The following AFDN variants were observed in gnomAD, a reference collection of about 807,000 sequenced individuals.
The protein encoded by AFDN is afadin, adherens junction formation factor.
AFDN carries 68 observed loss-of-function variants against 216.6 expected under a neutral mutation model. The ratio of observed to expected loss-of-function variants is 0.31; its 90% CI spans 0.26 to 0.38. The LOEUF (loss-of-function observed/expected upper bound fraction) is 0.38, where lower values mean the gene tolerates loss of function less well. AFDN is among the 10% of genes least tolerant of loss of function. The probability of loss-of-function intolerance (pLI) is 1.00; values close to 1 mark genes in which losing one functional copy is unlikely to be tolerated. For missense variants in AFDN, 2,136 were observed against 2,342.0 expected (o/e 0.91, Z 1.82); for synonymous variants, 868 against 853.7 (o/e 1.02, Z -0.29).
At chr6:167,917,734 T>G (rs1791272499) in intron 20 of AFDN, among the ~76,000 whole-genome samples, 1 of 152,168 alleles carries the variant, frequency 6.6e-6, no homozygotes, top group Admixed American at 6.5e-5. Flanking sequence ...GTCATGAGAA[T>G]TATGTATGTG....
rs1792297983 is a variant in AFDN, at chr6:167,924,840, GA to G, written c.3013-163del. ...GATTTAGTTTACCAGATTAATACCT[GA>G]AGAGTATCTATATTAATTGAAATTT... On this transcript the variant is annotated intron_variant, in intron 22 of 33. Transcript: ENST00000683244. 1.3e-5 allele frequency: 9 copies of G among 685,350 alleles called. No homozygotes were observed. In the East Asian group the frequency reaches 2.5e-4, roughly 19 times the overall value. The allele number at this position is 685,350 out of a possible 1,614,324, so 42.5% of individuals were successfully genotyped here. A position where few individuals can be genotyped will look rare whatever the true frequency, so the allele number is the denominator to read the frequency against.
chr6:167,842,561 A>C (rs62427660), intron 1 of AFDN, among the ~76,000 whole-genome samples: 139,517 of 151,832 alleles, frequency 0.92, 64,363 homozygotes, highest in African/African-American at 0.98. Flanking sequence ...CACAGTATAT[A>C]CTCTGCAAGA....
At chr6:167,953,561 A>G (rs919375012) in intron 30 of AFDN, among the ~76,000 whole-genome samples, 1 of 152,240 alleles carries the variant, frequency 6.6e-6, no homozygotes, top group African/African-American at 2.4e-5. Context: ...GTATTCCTCA[A>G]GTCATTAGTA....
intron 8 of AFDN, among the ~76,000 whole-genome samples, chr6:167,893,463 C>T (rs1318198769): frequency 6.6e-6 from 1 of 152,100 alleles, no homozygotes; most frequent in Non-Finnish European, 1.5e-5. Context: ...GTCATGAGCT[C>T]AGCATTGTCT....
Position 167,965,955 on chromosome 6 carries a change from A to G in AFDN, c.5167A>G (p.Lys1723Glu), listed in dbSNP as rs1340892390. The change falls in exon 32 of 34, where the codon AAA becomes GAA. Residue 1723 changes from lysine to glutamate, a missense_variant. Transcript: ENST00000683244. ...GCCTCAGCGAAACGCCTCCTACCTC[A>G]AAACACAGGTCCTCTCCCCCGACTC... ...PPPQRNASYL[K>E]TQVLSPDSLF... 5 of 1,543,432 alleles carry G rather than the reference A, an allele frequency of 3.2e-6. No individual in the cohort carries two copies. Among genetic ancestry groups the G allele is most frequent in the Non-Finnish European group, 1.7e-6 (2 of 1,144,418 alleles).
intron 21 of AFDN, among the ~76,000 whole-genome samples, chr6:167,922,480 C>G (rs988556374): frequency 6.6e-6 from 1 of 152,156 alleles, no homozygotes; most frequent in African/African-American, 2.4e-5. Context: ...CTCCTTCCCT[C>G]TTTTCTTTCC....
chr6:167,836,524 G>A (rs1314388142), intron 1 of AFDN, among the ~76,000 whole-genome samples: 1 of 151,972 alleles, frequency 6.6e-6, no homozygotes, highest in Non-Finnish European at 1.5e-5. Flanking sequence ...AAAATAATAT[G>A]TGGATATATT....
intron 12 of AFDN, among the ~76,000 whole-genome samples, chr6:167,904,543 T>C (rs1239558346): frequency 2.0e-5 from 3 of 151,838 alleles, no homozygotes; most frequent in East Asian, 3.9e-4. Flanking sequence ...ACTTGACATA[T>C]CCACTTGCAT....
chr6:167,899,113 C>T (rs1428472999), intron 11 of AFDN, among the ~76,000 whole-genome samples: 1 of 152,142 alleles, frequency 6.6e-6, no homozygotes, highest in Non-Finnish European at 1.5e-5. Context: ...CATGAACCCG[C>T]GTGGTCTTCC....
chr6:167,888,119 T>C (rs1236942494), intron 6 of AFDN, among the ~76,000 whole-genome samples: 1 of 152,184 alleles, frequency 6.6e-6, no homozygotes, highest in Non-Finnish European at 1.5e-5. Context: ...AGATTGAGAC[T>C]AAAGAGATGA....
chr6:167,897,137 A>G (rs1425785185), intron 10 of AFDN, among the ~76,000 whole-genome samples, 165 bp downstream of exon 10: 1 of 152,196 alleles, frequency 6.6e-6, no homozygotes, highest in Non-Finnish European at 1.5e-5. Flanking sequence ...TTTAGTGTGG[A>G]AACAGCAGAA....
At position 167,965,881 on chromosome 6, in the gene AFDN, A is replaced by C; in HGVS notation, c.5093A>C (p.Asp1698Ala). The C allele has an allele frequency of 6.5e-7, 1 of 1,548,924 alleles. No homozygotes were observed. The highest frequency in any genetic ancestry group is 8.7e-7 in the Non-Finnish European group (1 of 1,146,436). Residue 1698 changes from aspartate to alanine, a missense_variant, in exon 32 of 34, where the codon GAC becomes GCC. Asp to Ala is a moderately radical substitution (Grantham distance 126). Around this residue, in one of 8 missense-constraint regions of AFDN, gnomAD observed 981 missense variants for 966.0 expected, o/e 1.02. Transcript: ENST00000683244. ...CTGTGCCGCCCTCCGCTTCCCCGGG[A>C]CTACGAGCCCCCGTCCCCGTCCCCC... ...PGLCRPPLPR[D>A]YEPPSPSPAP...
intron 15 of AFDN, among the ~76,000 whole-genome samples, chr6:167,912,608 C>T (rs558519521): frequency 6.6e-5 from 10 of 152,286 alleles, no homozygotes; most frequent in Admixed American, 2.0e-4. Context: ...TATAAACAAA[C>T]ATGGATTTCC....
intron 32 of AFDN, among the ~76,000 whole-genome samples, chr6:167,966,824 G>A (rs902232066): frequency 1.1e-4 from 16 of 152,200 alleles, no homozygotes; most frequent in African/African-American, 3.4e-4. Context: ...CATGACCTCC[G>A]TGCAGGCTGC....
At chr6:167,961,744 C>G (rs1213187068) in intron 30 of AFDN, among the ~76,000 whole-genome samples, 2 of 152,170 alleles carry the variant, frequency 1.3e-5, no homozygotes, top group Non-Finnish European at 2.9e-5. Context: ...TAGGTCCAGA[C>G]AGAAGAGAGC....
chr6:167,950,248 T>G (rs1429082404), intron 29 of AFDN, among the ~76,000 whole-genome samples: 4 of 152,224 alleles, frequency 2.6e-5, no homozygotes, highest in Non-Finnish European at 5.9e-5. Flanking sequence ...GTTTACATCT[T>G]TAATTTGTAT....
rs753196116 is a variant in AFDN at position 167,876,989 on chromosome 6, G to C, written c.739+1494G>C. 3.3e-5 allele frequency among the ~76,000 whole-genome samples: 5 copies of C among 152,198 alleles called. No individual in the cohort carries two copies. The South Asian group carries it at 1.0e-3, about 31-fold the overall frequency. On this transcript the variant is annotated intron_variant, in intron 5 of 33. Transcript: ENST00000683244. ...GAGAGATGACTGTGGAAGCAGAGTG[G>C]AAGATGGATTTGAGGGAATTCTGAT...
chr6:167,855,728 C>G (rs1375491460), intron 1 of AFDN, among the ~76,000 whole-genome samples: 1 of 152,076 alleles, frequency 6.6e-6, no homozygotes, highest in East Asian at 1.9e-4. Flanking sequence ...CTTAGCTACA[C>G]CAAATAGTGA....
intron 1 of AFDN, among the ~76,000 whole-genome samples, chr6:167,832,880 C>T (rs1583075069): frequency 6.6e-6 from 1 of 152,224 alleles, no homozygotes; most frequent in African/African-American, 2.4e-5. Flanking sequence ...ATATACACAA[C>T]TTGCTTTACC....
Sources: allele counts gnomAD v4.1 joint callset (sites outside exome capture counted in the v4.1 genomes callset), GRCh38; gene constraint gnomAD v4.1.1; regional missense constraint gnomAD v4.1.1; transcripts MANE v1.5; gene names NCBI Gene and HGNC (gene_info 2026-07-23, HGNC 2026-07-21).